Variants in FUCA1 observed in about 807,000 individuals in gnomAD.
FUCA1 encodes alpha-L-fucosidase 1, also known as tissue alpha-L-fucosidase.
Under a neutral mutation model 56.8 loss-of-function variants are expected in FUCA1, and 52 were observed. The observed-to-expected ratio is 0.92, with a 90% CI of 0.73 to 1.15. The LOEUF is 1.15. Ranked by LOEUF, FUCA1 falls within the 50% of genes most tolerant of loss-of-function variation. The pLI is 0.00. For synonymous variants in FUCA1, 230 were observed against 226.6 expected (o/e 1.02, Z -0.14); for missense variants, 568 against 592.6 (o/e 0.96, Z 0.43).
chr1:23,858,244 T>A (rs574656607), intron 4 of FUCA1, among the ~76,000 whole-genome samples: 13 of 151,952 alleles, frequency 8.6e-5, no homozygotes, highest in African/African-American at 3.1e-4. Flanking sequence ...TCTTTTTGTA[T>A]TTTTAGTAGA....
chr1:23,853,505 C>G (rs377637002), intron 5 of FUCA1, among the ~76,000 whole-genome samples: 4 of 151,370 alleles, frequency 2.6e-5, no homozygotes, highest in Admixed American at 2.6e-4. Context: ...TCTGCCCGGC[C>G]GCCCCTACTG....
intron 3 of FUCA1, among the ~76,000 whole-genome samples, chr1:23,862,008 T>C (rs1639520000): frequency 6.6e-6 from 1 of 152,168 alleles, no homozygotes; most frequent in African/African-American, 2.4e-5. Context: ...GAAACCAAGA[T>C]CTCGAAAGAT....
At chr1:23,864,001 A>T (rs1403674000) in intron 2 of FUCA1, among the ~76,000 whole-genome samples, 2 of 152,150 alleles carry the variant, frequency 1.3e-5, no homozygotes, top group Admixed American at 6.6e-5. Flanking sequence ...AATAATCATT[A>T]GTAACATTTT....
At position 23,846,252 on chromosome 1, in the gene FUCA1, T is replaced by C. The variant is rs1639137730; in HGVS notation, c.1161-79A>G. 5.2e-6 allele frequency: 5 copies of C among 953,720 alleles called. No individual in the cohort carries two copies. The South Asian group carries it at 7.2e-5, about 14-fold the overall frequency. 59.1% of individuals were successfully genotyped at this position (953,720 alleles called of 1,614,324 possible). A position where few individuals can be genotyped will look rare whatever the true frequency, so the allele number is the denominator to read the frequency against. On this transcript the variant is annotated intron_variant, in intron 6 of 7. Transcript: ENST00000374479. Reference sequence around the variant, plus strand: ...ACAACTTTATACATTTCCTCCTTTTTAATGTTAATTTTCTTTTCTTTTCTT... The same window carrying C: ...ACAACTTTATACATTTCCTCCTTTTCAATGTTAATTTTCTTTTCTTTTCTT...
chr1:23,863,067 G>A, intron 3 of FUCA1, 67 bp downstream of exon 3: 1 of 1,536,572 alleles, frequency 6.5e-7, no homozygotes, highest in Non-Finnish European at 9.0e-7. Flanking sequence ...CCACTTTAAT[G>A]GTACCCTATA....
At chr1:23,860,953 T>C (rs1639497874) in intron 3 of FUCA1, among the ~76,000 whole-genome samples, 1 of 152,028 alleles carries the variant, frequency 6.6e-6, no homozygotes, top group South Asian at 2.1e-4. Flanking sequence ...CTTTTTTCTT[T>C]ATGCCTTTTA....
At chr1:23,859,987 TG>T in intron 3 of FUCA1, 84 bp from the exon 4 acceptor site, 1 of 874,756 alleles carries the variant, frequency 1.1e-6, no homozygotes, top group Non-Finnish European at 1.9e-6. Context: ...TTTTTAGAGA[TG>T]GGGTTTCGCT....
At chr1:23,851,002 C>G (rs1343481437) in intron 5 of FUCA1, among the ~76,000 whole-genome samples, 3 of 152,002 alleles carry the variant, frequency 2.0e-5, no homozygotes, top group African/African-American at 7.2e-5. Flanking sequence ...TGGTCTTGAA[C>G]TCCTGGCCTC....
chr1:23,846,096 G>A lies in FUCA1; in HGVS notation c.1238C>T (p.Pro413Leu). ...PENGVLNLESPITTSTTKITM... is the reference protein window; with the variant it reads ...PENGVLNLESLITTSTTKITM... ...TACCTTTGTAGTTGAGGTAGTTATG[G>A]GGGATTCAAGGTTTAAGACTCCATT... is the stretch of plus-strand genomic sequence containing the variant. The change falls in exon 7 of 8, where the codon CCC becomes CTC. Residue 413 changes from proline (P) to leucine (L), a missense_variant. Transcript: ENST00000374479. The A allele has an allele frequency of 6.2e-7, 1 of 1,613,656 alleles. No individual in the cohort carries two copies. Among genetic ancestry groups the A allele is most frequent in the Non-Finnish European group, 8.5e-7 (1 of 1,179,644 alleles).
In FUCA1 at chr1:23,845,691, C is replaced by A; in HGVS notation, c.*24G>T. ...GAAGCAGGAAAACAGTGAGCAGCGC[C>A]TCTTTCTTCTTGCACTCAAATGATT... On this transcript the variant is annotated 3_prime_UTR_variant, in exon 8 of 8. Transcript: ENST00000374479. 1.9e-6 allele frequency: 3 copies of A among 1,614,114 alleles called. No homozygotes were observed. The highest frequency in any genetic ancestry group is 2.5e-6 in the Non-Finnish European group (3 of 1,179,948).
At chr1:23,858,819 T>G (rs1221914337) in intron 4 of FUCA1, among the ~76,000 whole-genome samples, 1 of 152,164 alleles carries the variant, frequency 6.6e-6, no homozygotes, top group African/African-American at 2.4e-5. Context: ...GTGATCTAGG[T>G]TCATTACAGC....
chr1:23,859,801 G>C lies in FUCA1; in HGVS notation c.765C>G (p.Val255=). The C allele has an allele frequency of 1.9e-6, 3 of 1,592,378 alleles. No individual in the cohort carries two copies. Among genetic ancestry groups the C allele is most frequent in the Non-Finnish European group, 2.6e-6 (3 of 1,160,382 alleles). The stretch of plus-strand genomic sequence containing the variant: ...AAGAAGTCATATAATCACATACCTT[G>C]ACAGGGCTGTCATTGTAGAGCCATG... The part of the protein sequence containing the change: ...FLSWLYNDSP[V]KDEVVVNDRW... The change falls in exon 4 of 8, where the codon GTC becomes GTG. Residue 255 remains valine, a synonymous_variant. Coordinates refer to ENST00000374479, the MANE Select transcript of FUCA1 (RefSeq NM_000147.5).
At chr1:23,853,657 T>C (rs1188571100) in intron 5 of FUCA1, among the ~76,000 whole-genome samples, 1 of 150,514 alleles carries the variant, frequency 6.6e-6, no homozygotes, top group African/African-American at 2.4e-5. Context: ...AGAAATCGGA[T>C]GGTTGCCGTG....
chr1:23,849,300 C>A (rs77561383), intron 5 of FUCA1, among the ~76,000 whole-genome samples: 4,536 of 152,060 alleles, frequency 0.03, 204 homozygotes, highest in African/African-American at 0.096. Context: ...AATTCTCTCT[C>A]TATATATATT....
chr1:23,862,586 T>G (rs187543591), intron 3 of FUCA1, among the ~76,000 whole-genome samples: 120 of 152,258 alleles, frequency 7.9e-4, no homozygotes, highest in Non-Finnish European at 1.3e-3. Flanking sequence ...TAAAACATTG[T>G]GAAGAACTAG....
At chr1:23,859,485 G>C (rs1639461910) in intron 4 of FUCA1, among the ~76,000 whole-genome samples, 1 of 151,406 alleles carries the variant, frequency 6.6e-6, no homozygotes, top group Non-Finnish European at 1.5e-5. Context: ...AGAATCACTT[G>C]AACTCGGGAG....
In FUCA1 at chr1:23,868,094, C is replaced by T. The variant is rs763135982; in HGVS notation, c.193G>A (p.Gly65Ser). Residue 65 changes from glycine (G) to serine (S), a missense_variant, in exon 1 of 8, where the codon GGC becomes AGC. Coordinates refer to ENST00000374479, the MANE Select transcript of FUCA1 (RefSeq NM_000147.5). ...CCCCAGGCGGGCACCGAGAACACGC[C>T]CCAGTGGATGAACACCCCGAACTTG... ...EAKFGVFIHW[G>S]VFSVPAWGSE... is the part of the protein sequence containing the mutation. 7.4e-6 allele frequency: 12 copies of T among 1,611,856 alleles called. No homozygotes were observed. Among genetic ancestry groups the T allele is most frequent in the Admixed American group, 6.7e-5 (4 of 59,900 alleles).
At chr1:23,853,787 C>G (rs896080756) in intron 5 of FUCA1, among the ~76,000 whole-genome samples, 14 of 151,896 alleles carry the variant, frequency 9.2e-5, no homozygotes, top group African/African-American at 2.7e-4. Flanking sequence ...CTCTCTGAAA[C>G]GTGTGCTGTG....
At chr1:23,855,299 C>G (rs185488357) in intron 4 of FUCA1, among the ~76,000 whole-genome samples, 3 of 152,204 alleles carry the variant, frequency 2.0e-5, no homozygotes, top group Admixed American at 2.0e-4. Context: ...AGATAGAGAC[C>G]AACCTGGCTA....
Sources: gnomAD v4.1 joint callset for allele counts (sites outside exome capture counted in the v4.1 genomes callset) on GRCh38, gnomAD v4.1.1 for gene constraint, MANE v1.5 for transcripts, NCBI Gene and HGNC (gene_info 2026-07-23, HGNC 2026-07-21) for gene names.